The following ATG3 variants were observed in gnomAD, a reference collection of about 807,000 sequenced individuals.
The protein encoded by ATG3 is ubiquitin-like-conjugating enzyme ATG3.
ATG3 carries 25 observed loss-of-function variants against 50.7 expected under a neutral mutation model. That is an observed-to-expected ratio of 0.49 (90% CI 0.36 to 0.69). The LOEUF (loss-of-function observed/expected upper bound fraction) is 0.69, where lower values mean the gene tolerates loss of function less well. ATG3 is among the 30% of genes least tolerant of loss of function. ATG3 has a pLI of 0.00. For missense variants in ATG3, 281 were observed against 376.0 expected (o/e 0.75, Z 2.09); for synonymous variants, 119 against 125.5 (o/e 0.95, Z 0.34).
At chr3:112,533,874 G>A (rs1031198864) in intron 11 of ATG3, 24 of 1,002,954 alleles carry the variant, frequency 2.4e-5, no homozygotes, top group African/African-American at 1.2e-4. Flanking sequence ...TTTAATTAAC[G>A]TATTTGTTTA....
In ATG3 at chr3:112,538,183, G is replaced by A; in HGVS notation, c.476-3C>T. The A allele has an allele frequency of 6.4e-7, 1 of 1,570,272 alleles. No homozygotes were observed. Among genetic ancestry groups the A allele is most frequent in the Non-Finnish European group, 8.6e-7 (1 of 1,156,184 alleles). ...CAACAATCCACTCTCTTCATATTCT[G>A]TTATAAAAAAACAACAAAAGATTAA... is the stretch of plus-strand genomic sequence containing the variant. On this transcript the variant is annotated splice_region_variant and splice_polypyrimidine_tract_variant and intron_variant, in intron 7 of 11. Coordinates refer to ENST00000283290, the MANE Select transcript of ATG3 (RefSeq NM_022488.5).
chr3:112,540,981 G>C lies in ATG3; in HGVS notation c.475+822C>G, dbSNP rs892746097. 3.9e-5 allele frequency among the ~76,000 whole-genome samples: 6 copies of C among 152,298 alleles called. No individual in the cohort carries two copies. The East Asian group carries it at 1.2e-3, about 29-fold the overall frequency. On this transcript the variant is annotated intron_variant, in intron 7 of 11. Coordinates refer to ENST00000283290, the MANE Select transcript of ATG3 (RefSeq NM_022488.5). ...CACAGACCCATACTGCTCTGTTCTA[G>C]TGGGTTTCTCTCTCTTTTAAGAATG...
chr3:112,544,385 G>T (rs561466487), intron 5 of ATG3, among the ~76,000 whole-genome samples: 1 of 152,278 alleles, frequency 6.6e-6, no homozygotes, highest in East Asian at 1.9e-4. Flanking sequence ...GCCAGGTGCG[G>T]TGGATCACGC....
At chr3:112,539,752 T>C (rs1933176859) in intron 7 of ATG3, among the ~76,000 whole-genome samples, 1 of 152,236 alleles carries the variant, frequency 6.6e-6, no homozygotes, top group African/African-American at 2.4e-5. Flanking sequence ...AAATTACCTT[T>C]ATATTAGATA....
Position 112,532,827 on chromosome 3 carries a change from GT to G in ATG3, c.864-48del, listed in dbSNP as rs1333804494. On this transcript the variant is annotated intron_variant, in intron 11 of 11. Transcript: ENST00000283290. ...AAATAAGATTTGTAAATAGTTCTAT[GT>G]TTTAAGCCCATGTTGTAATTATCCA... The G allele has an allele frequency of 2.0e-6, 3 of 1,524,824 alleles. No homozygotes were observed. In the Admixed American group the frequency reaches 6.4e-5, roughly 33 times the overall value. The allele number at this position is 1,524,824 out of a possible 1,614,324, so 94.5% of individuals were successfully genotyped here.
rs778272510 is a variant in ATG3, at chr3:112,550,224, G to A, written c.203C>T (p.Pro68Leu). Residue 68 changes from proline to leucine, a missense_variant, in exon 4 of 12, where the codon CCA becomes CTA. Physicochemically the swap from Pro to Leu is moderately conservative, Grantham distance 98 (BLOSUM62 -3). Coordinates refer to ENST00000283290, the MANE Select transcript of ATG3 (RefSeq NM_022488.5). ...GGTTACCAAAAATTGTTTGCCTGTT[G>A]GTAGGTATGCCTTCACTTTCAATTC... is the stretch of plus-strand genomic sequence containing the variant. The part of the protein sequence containing the change: ...GEELKVKAYL[P>L]TGKQFLVTKN... 6.2e-7 allele frequency: 1 copy of A among 1,612,492 alleles called. No individual in the cohort carries two copies. Among genetic ancestry groups the A allele is most frequent in the Non-Finnish European group, 8.5e-7 (1 of 1,179,388 alleles).
intron 7 of ATG3, among the ~76,000 whole-genome samples, chr3:112,541,181 G>C (rs1258842368): frequency 1.3e-5 from 2 of 152,132 alleles, no homozygotes; most frequent in Non-Finnish European, 2.9e-5. Context: ...GAGGTTAAGA[G>C]ATCGAGACCA....
intron 7 of ATG3, among the ~76,000 whole-genome samples, chr3:112,539,276 T>A (rs573094950): frequency 4.8e-4 from 73 of 152,202 alleles, no homozygotes; most frequent in African/African-American, 1.8e-3. Flanking sequence ...TCACTCTGAG[T>A]AATGTCAAGA....
rs772024337 is a variant in ATG3, at chr3:112,532,715, C to A, written c.929G>T (p.Arg310Ile). 6.3e-7 allele frequency: 1 copy of A among 1,594,904 alleles called. No individual in the cohort carries two copies. Among genetic ancestry groups the A allele is most frequent in the South Asian group, 1.1e-5 (1 of 88,254 alleles). ...CTCTCTTCATTACATTGTGAAGTGT[C>A]TTGTGTAGTCATATTCTATTGTTGG... is the stretch of plus-strand genomic sequence containing the variant. ...VIPTIEYDYT[R>I]HFTM Residue 310 changes from arginine (R) to isoleucine (I), a missense_variant, in exon 12 of 12, where the codon AGA (arginine) becomes ATA (isoleucine). Arg to Ile is a moderately conservative substitution (Grantham distance 97). Transcript: ENST00000283290.
chr3:112,553,168 G>A lies in ATG3; in HGVS notation c.164+112C>T, dbSNP rs55949703. 1.1e-3 allele frequency: 948 copies of A among 860,942 alleles called. 7 individuals are homozygous for A. In the African/African-American group the frequency reaches 0.014, roughly 13 times the overall value. The allele number at this position is 860,942 out of a possible 1,614,324, so 53.3% of individuals were successfully genotyped here. ...GTTTAACAGAAGAATCTGCTGGGGG[G>A]AAAGTTAAACTGGTCATTCTAATTT... On this transcript the variant is annotated intron_variant, in intron 3 of 11. Transcript: ENST00000283290.
At chr3:112,557,754 T>TA (rs1392843476) in intron 2 of ATG3, among the ~76,000 whole-genome samples, 2 of 152,118 alleles carry the variant, frequency 1.3e-5, no homozygotes, top group African/African-American at 4.8e-5. Context: ...AAATAAGGCT[T>TA]AAAACGTTTG....
rs534120870 is a variant in ATG3 at position 112,561,609 on chromosome 3, C to T, written c.-81G>A. 7.1e-7 allele frequency: 1 copy of T among 1,402,160 alleles called. No individual in the cohort carries two copies. Among genetic ancestry groups the T allele is most frequent in the East Asian group, 2.5e-5 (1 of 40,092 alleles). The allele number at this position is 1,402,160 out of a possible 1,614,324, so 86.9% of individuals were successfully genotyped here. ...AGGGGCCAGGGAGTCAGAAAATGTC[C>T]TCGCTGCCACCGACTCGCATCAGCA... is the stretch of plus-strand genomic sequence containing the variant. On this transcript the variant is annotated 5_prime_UTR_variant, in exon 1 of 12. Coordinates refer to ENST00000283290, the MANE Select transcript of ATG3 (RefSeq NM_022488.5).
chr3:112,553,279 C>G lies in ATG3; in HGVS notation c.164+1G>C. The G allele has an allele frequency of 6.2e-7, 1 of 1,607,328 alleles. No individual in the cohort carries two copies. Among genetic ancestry groups the G allele is most frequent in the Non-Finnish European group, 8.5e-7 (1 of 1,174,040 alleles). ...TCTATTCTTTACTCAATATTACTTA[C>G]CATTGCCATGTTGGACAGTGGTGGA... On this transcript the variant is annotated splice_donor_variant, in intron 3 of 11. Transcript: ENST00000283290. LOFTEE classifies it high-confidence loss of function.
At chr3:112,559,747 C>T (rs781011658) in intron 1 of ATG3, among the ~76,000 whole-genome samples, 1 of 152,190 alleles carries the variant, frequency 6.6e-6, no homozygotes, top group South Asian at 2.1e-4. Flanking sequence ...TTAGCTTAAG[C>T]AACAGCAGTC....
chr3:112,538,117 A>G, intron 8 of ATG3, 29 bp downstream of exon 8: 1 of 1,520,796 alleles, frequency 6.6e-7, no homozygotes, highest in Non-Finnish European at 9.0e-7. Context: ...TCCATTAAAA[A>G]TTAACTAAAG....
intron 3 of ATG3, among the ~76,000 whole-genome samples, chr3:112,552,366 ATTGCTT>A (rs1933550916): frequency 2.0e-5 from 3 of 151,764 alleles, no homozygotes; most frequent in Non-Finnish European, 4.4e-5. Context: ...AAACTGCTAA[ATTGCTT>A]AAGGTACCTT....
At position 112,541,861 on chromosome 3, in the gene ATG3, G is replaced by C; in HGVS notation, c.417C>G (p.Cys139Trp). The C allele has an allele frequency of 1.9e-6, 3 of 1,612,106 alleles. No homozygotes were observed. The East Asian group carries it at 6.7e-5, about 36-fold the overall frequency. ...CTTCTTCCTCTTCACATAGTGCTGA[G>C]CAATCTTGAAGCCTTATATTGTCCT... ...ENKDNIRLQD[C>W]SALCEEEEDE... The change falls in exon 7 of 12, where the codon TGC becomes TGG. Residue 139 changes from cysteine (C) to tryptophan (W), a missense_variant. This residue lies in a region of ATG3 where 242 missense variants were observed against 305.0 expected (regional missense o/e 0.79). Coordinates refer to ENST00000283290, the MANE Select transcript of ATG3 (RefSeq NM_022488.5).
At chr3:112,553,594 A>G (rs1314185060) in intron 2 of ATG3, among the ~76,000 whole-genome samples, 1 of 152,250 alleles carries the variant, frequency 6.6e-6, no homozygotes, top group African/African-American at 2.4e-5. Context: ...TTAAAAATTC[A>G]GTTTTTATAA....
Position 112,538,169 on chromosome 3 carries a change from T to A in ATG3, c.487A>T (p.Ser163Cys), listed in dbSNP as rs1426044047. 1 of 1,582,942 alleles carries A rather than the reference T, an allele frequency of 6.3e-7. No homozygotes were observed. The highest frequency in any genetic ancestry group is 8.6e-7 in the Non-Finnish European group (1 of 1,163,376). ...EAADMEEYEE[S>C]GLLETDEATL... ...ACCTCATCTGTTTCCAACAATCCAC[T>A]CTCTTCATATTCTGTTATAAAAAAA... Residue 163 changes from serine to cysteine, a missense_variant, in exon 8 of 12, where the codon AGT becomes TGT. Physicochemically the swap from Ser to Cys is moderately radical, Grantham distance 112 (BLOSUM62 -1). Coordinates refer to ENST00000283290, the MANE Select transcript of ATG3 (RefSeq NM_022488.5).
Sources: allele counts gnomAD v4.1 joint callset (sites outside exome capture counted in the v4.1 genomes callset), GRCh38; gene constraint gnomAD v4.1.1; regional missense constraint gnomAD v4.1.1; transcripts MANE v1.5; gene names NCBI Gene and HGNC (gene_info 2026-07-23, HGNC 2026-07-21).